ALOX5: variants seen among roughly 807,000 people sequenced by gnomAD.
The protein encoded by ALOX5 is polyunsaturated fatty acid 5-lipoxygenase.
A neutral mutation model predicts 87.9 loss-of-function variants in ALOX5; 64 were observed. The observed-to-expected ratio is 0.73, with a 90% confidence interval of 0.60 to 0.90. The LOEUF is 0.90. Among genes scored for constraint, ALOX5 ranks in the 40% least tolerant of loss-of-function variants. The pLI, the probability that ALOX5 is intolerant of heterozygous loss-of-function variation, is 0.00. For missense variants in ALOX5, 822 were observed against 907.5 expected (o/e 0.91, Z 1.21); for synonymous variants, 388 against 355.1 (o/e 1.09, Z -1.04).
At position 45,424,972 on chromosome 10, in the gene ALOX5, A is replaced by G. The variant is rs369930922; in HGVS notation, c.674A>G (p.Asn225Ser). The G allele has an allele frequency of 8.1e-6, 13 of 1,614,064 alleles. No individual in the cohort carries two copies. Among genetic ancestry groups the G allele is most frequent in the African/African-American group, 5.3e-5 (4 of 74,914 alleles). ...ISNTISERVM[N>S]HWQEDLMFGY... ...TTTCTCCTGGTAGAGCGGGTCATGA[A>G]TCACTGGCAGGAAGACCTGATGTTT... The change falls in exon 6 of 14, where the codon AAT becomes AGT. Residue 225 changes from asparagine to serine, a missense_variant. Transcript: ENST00000374391.
At chr10:45,379,369 G>A (rs3780895) in intron 1 of ALOX5, among the ~76,000 whole-genome samples, 3 of 151,874 alleles carry the variant, frequency 2.0e-5, no homozygotes, top group Admixed American at 6.6e-5. Context: ...TCTGGTGGCC[G>A]CCCCTCAGTC....
chr10:45,395,900 G>C lies in ALOX5; in HGVS notation c.395G>C (p.Arg132Pro). ...DDQIHILKQH[R>P]RKELETRQKQ... ...CAAATTCACATTCTCAAGCAACACC[G>C]ACGTAAAGAACTGGAAACACGGCAA... Residue 132 changes from arginine to proline, a missense_variant, in exon 3 of 14, where the codon CGA (arginine) becomes CCA (proline). Arg to Pro is a moderately radical substitution (Grantham distance 103). Transcript: ENST00000374391. 1 of 1,614,210 alleles carries C rather than the reference G, an allele frequency of 6.2e-7. No individual in the cohort carries two copies. The highest frequency in any genetic ancestry group is 8.5e-7 in the Non-Finnish European group (1 of 1,180,028).
At chr10:45,396,141 A>C (rs1365981109) in intron 3 of ALOX5, among the ~76,000 whole-genome samples, 1 of 152,222 alleles carries the variant, frequency 6.6e-6, no homozygotes, top group Non-Finnish European at 1.5e-5. Context: ...GAGTAATGAA[A>C]ATAACTTTGG....
At chr10:45,418,084 C>T (rs1841360223) in intron 4 of ALOX5, among the ~76,000 whole-genome samples, 1 of 152,230 alleles carries the variant, frequency 6.6e-6, no homozygotes, top group Admixed American at 6.5e-5. Flanking sequence ...CCCCTCCTGG[C>T]CCAGCAGGCT....
At chr10:45,444,569 T>A in intron 13 of ALOX5, 1 of 444,806 alleles carries the variant, frequency 2.2e-6, no homozygotes, top group Non-Finnish European at 4.0e-6. Context: ...TTGACAAAGT[T>A]CTTGCACATG....
intron 12 of ALOX5, 37 bp downstream of exon 12, chr10:45,443,865 C>T: frequency 6.4e-7 from 1 of 1,556,448 alleles, no homozygotes; most frequent in Non-Finnish European, 8.7e-7. Context: ...GGGCTCCCTT[C>T]TCAAGGCCGC....
chr10:45,419,729 AC>A (rs1841435328), intron 4 of ALOX5, among the ~76,000 whole-genome samples: 2 of 152,194 alleles, frequency 1.3e-5, no homozygotes, highest in Admixed American at 1.3e-4. Flanking sequence ...GCAGAGTGAG[AC>A]CCTGTTTCAA....
At chr10:45,394,847 A>G (rs563067284) in intron 2 of ALOX5, among the ~76,000 whole-genome samples, 1 of 152,256 alleles carries the variant, frequency 6.6e-6, no homozygotes, top group Non-Finnish European at 1.5e-5. Flanking sequence ...CAACAGACAC[A>G]TGAAAAAATG....
rs766798567 is a variant in ALOX5, at chr10:45,374,269, C to T, written c.-11C>T. ...AGGCTCCCGGCGCTCGCTGCTCCCG[C>T]GGCCCGCGCCATGCCCTCCTACACG... On this transcript the variant is annotated 5_prime_UTR_variant, in exon 1 of 14. Transcript: ENST00000374391. The T allele has an allele frequency of 2.7e-6, 4 of 1,468,344 alleles. No individual in the cohort carries two copies. Among genetic ancestry groups the T allele is most frequent in the Admixed American group, 2.6e-5 (1 of 38,720 alleles). The allele number at this position is 1,468,344 out of a possible 1,614,324, so 91.0% of individuals were successfully genotyped here. A position where few individuals can be genotyped will look rare whatever the true frequency, so the allele number is the denominator to read the frequency against.
At position 45,380,759 on chromosome 10, in the gene ALOX5, T is replaced by C. The variant is rs931139541; in HGVS notation, c.151-1724T>C. Among the ~76,000 whole-genome samples the C allele has an allele frequency of 2.6e-5, 4 of 152,064 alleles. No homozygotes were observed. In the South Asian group the frequency reaches 8.3e-4, roughly 31 times the overall value. The stretch of plus-strand genomic sequence containing the variant: ...GAGTTTGAGACCAGCCTGGCCAACA[T>C]GGTGAAACCCTGTCTCTACTGAAAA... On this transcript the variant is annotated intron_variant, in intron 1 of 13. Transcript: ENST00000374391.
At position 45,443,713 on chromosome 10, in the gene ALOX5, G is replaced by A. The variant is rs1159896920; in HGVS notation, c.1574-15G>A. ...TCAGGGACTGGGCCTCAGCCCGCCGGTGGTTCCACCCTAGGCTTCCCCAAG... is the reference window on the plus strand; with the variant it reads ...TCAGGGACTGGGCCTCAGCCCGCCGATGGTTCCACCCTAGGCTTCCCCAAG... On this transcript the variant is annotated splice_polypyrimidine_tract_variant and intron_variant, in intron 11 of 13. Transcript: ENST00000374391. The A allele has an allele frequency of 1.2e-6, 2 of 1,609,032 alleles. No individual in the cohort carries two copies. Among genetic ancestry groups the A allele is most frequent in the African/African-American group, 2.7e-5 (2 of 74,696 alleles).
chr10:45,437,334 T>C (rs1842090017), intron 7 of ALOX5, among the ~76,000 whole-genome samples: 1 of 152,196 alleles, frequency 6.6e-6, no homozygotes, highest in Non-Finnish European at 1.5e-5. Context: ...GCCTGGGTGA[T>C]AGTGAGACTC....
intron 13 of ALOX5, 143 bp downstream of exon 13, chr10:45,444,429 T>C: frequency 8.5e-7 from 1 of 1,179,216 alleles, no homozygotes; most frequent in Non-Finnish European, 1.1e-6. Context: ...CCCAGAAGGC[T>C]GCAGCCGCCA....
intron 1 of ALOX5, among the ~76,000 whole-genome samples, chr10:45,381,355 T>C (rs749991229): frequency 6.6e-6 from 1 of 152,268 alleles, no homozygotes; most frequent in Non-Finnish European, 1.5e-5. Context: ...AAGCTCCCTG[T>C]ATCTAAGCCT....
intron 3 of ALOX5, among the ~76,000 whole-genome samples, chr10:45,399,768 T>C (rs1198528415): frequency 1.3e-5 from 2 of 152,190 alleles, no homozygotes; most frequent in Non-Finnish European, 2.9e-5. Flanking sequence ...CCAGAATATA[T>C]AAAGAACTCT....
intron 2 of ALOX5, among the ~76,000 whole-genome samples, chr10:45,393,941 C>T (rs1407359537): frequency 1.3e-5 from 2 of 152,100 alleles, no homozygotes; most frequent in Admixed American, 6.5e-5. Flanking sequence ...AATCACTGCT[C>T]AACGAAATAA....
chr10:45,391,301 G>T (rs1840238836), intron 2 of ALOX5, among the ~76,000 whole-genome samples: 1 of 152,192 alleles, frequency 6.6e-6, no homozygotes, highest in Admixed American at 6.5e-5. Context: ...CGCTGTGTTG[G>T]CCAGGCTGGT....
rs536131870 is a variant in ALOX5, at chr10:45,391,933, G to A, written c.350-3922G>A. Among the ~76,000 whole-genome samples the A allele has an allele frequency of 3.5e-3, 529 of 150,754 alleles. 1 individual carries two copies. Among genetic ancestry groups the A allele is most frequent in the African/African-American group, 0.012 (485 of 40,950 alleles). ...AGCCCCTCCGCCCGGCAGCCGCCCCGTCTGGGAAGTGAGGAGCGTCTCCGC... is the reference window on the plus strand; with the variant it reads ...AGCCCCTCCGCCCGGCAGCCGCCCCATCTGGGAAGTGAGGAGCGTCTCCGC... On this transcript the variant is annotated intron_variant, in intron 2 of 13. Coordinates refer to ENST00000374391, the MANE Select transcript of ALOX5 (RefSeq NM_000698.5).
chr10:45,402,678 T>C (rs989877404), intron 3 of ALOX5, among the ~76,000 whole-genome samples: 2 of 152,116 alleles, frequency 1.3e-5, no homozygotes, highest in Non-Finnish European at 1.5e-5. Context: ...AAGGAAAAGA[T>C]TGGTAAGTTT....
Sources: gnomAD v4.1 joint callset for allele counts (sites outside exome capture counted in the v4.1 genomes callset) on GRCh38, gnomAD v4.1.1 for gene constraint, MANE v1.5 for transcripts, NCBI Gene and HGNC (gene_info 2026-07-23, HGNC 2026-07-21) for gene names.